Variants in VPS8 observed in about 807,000 individuals in gnomAD.
The protein encoded by VPS8 is VPS8 subunit of CORVET complex.
A neutral mutation model predicts 216.4 loss-of-function variants in VPS8; 129 were observed. That is an observed-to-expected ratio of 0.60 (90% CI 0.52 to 0.69). VPS8 has a LOEUF of 0.69. Ranked by LOEUF, VPS8 falls within the 30% of genes least tolerant of loss-of-function variation. The pLI, the probability that VPS8 is intolerant of heterozygous loss-of-function variation, is 0.00. For synonymous variants in VPS8, 571 were observed against 565.4 expected (o/e 1.01, Z -0.14); for missense variants, 1,531 against 1,683.5 (o/e 0.91, Z 1.59).
intron 43 of VPS8, among the ~76,000 whole-genome samples, chr3:184,994,415 C>G (rs1413554006): frequency 6.6e-6 from 1 of 151,550 alleles, no homozygotes. Flanking sequence ...CAATTGAGCC[C>G]AGGAGTTGGA....
rs62286936 is a variant in VPS8, at chr3:184,838,695, T to C, written c.448-19T>C. 86,324 of 1,528,552 alleles carry C rather than the reference T, an allele frequency of 0.056. 2,770 individuals carry two copies. The highest frequency in any genetic ancestry group is 0.065 in the Non-Finnish European group (73,501 of 1,136,412). The allele number at this position is 1,528,552 out of a possible 1,614,324, so 94.7% of individuals were successfully genotyped here. A position where few individuals can be genotyped will look rare whatever the true frequency, so the allele number is the denominator to read the frequency against. On this transcript the variant is annotated intron_variant, in intron 5 of 47. Transcript: ENST00000625842. ...AAATGAGAATATTTTTCAAATACTT[T>C]CTTTAAAATTTCATTTAGGACAAAG...
At chr3:184,971,609 A>G (rs1380295532) in intron 39 of VPS8, 40 bp from the exon 40 acceptor site, 1 of 1,520,930 alleles carries the variant, frequency 6.6e-7, no homozygotes. Context: ...ATTATCAGCA[A>G]CATATCCTTA....
At chr3:185,014,879 C>T (rs1351365810) in intron 45 of VPS8, among the ~76,000 whole-genome samples, 1 of 152,148 alleles carries the variant, frequency 6.6e-6, no homozygotes, top group Non-Finnish European at 1.5e-5. Flanking sequence ...CTGGAATGCC[C>T]ATCACCGCAA....
chr3:184,838,597 G>T (rs930003748), intron 5 of VPS8, 117 bp from the exon 6 acceptor site: 4 of 803,648 alleles, frequency 5.0e-6, no homozygotes, highest in East Asian at 5.9e-5. Flanking sequence ...AAAAATAAAG[G>T]TTCTACCTCT....
intron 37 of VPS8, among the ~76,000 whole-genome samples, chr3:184,959,573 A>G (rs1394741657): frequency 6.6e-6 from 1 of 152,194 alleles, no homozygotes; most frequent in Non-Finnish European, 1.5e-5. Context: ...AACTCTGGAA[A>G]GCAACGTATA....
chr3:184,945,190 T>G (rs1002235798), intron 36 of VPS8, among the ~76,000 whole-genome samples: 1 of 151,928 alleles, frequency 6.6e-6, no homozygotes, highest in African/African-American at 2.4e-5. Flanking sequence ...TATATGTTTA[T>G]TACATATATA....
chr3:184,950,910 T>C, intron 36 of VPS8, among the ~76,000 whole-genome samples: 1 of 152,232 alleles, frequency 6.6e-6, no homozygotes, highest in East Asian at 1.9e-4. Context: ...TTCCTTTTTA[T>C]GGCTGCATAG....
chr3:185,050,964 G>A (rs1714102150), intron 47 of VPS8, among the ~76,000 whole-genome samples: 1 of 152,182 alleles, frequency 6.6e-6, no homozygotes, highest in Non-Finnish European at 1.5e-5. Flanking sequence ...CATTAGCTCT[G>A]TGGGGTGGAA....
chr3:184,926,376 C>CAATAAATAAATAAATAAATAAATA (rs150917702), intron 30 of VPS8, among the ~76,000 whole-genome samples: 68 of 149,476 alleles, frequency 4.5e-4, no homozygotes, highest in African/African-American at 1.7e-3. Flanking sequence ...GACTCTGTCT[C>CAATAAATAAATAAATAAATAAATA]AATAAATAAA....
intron 24 of VPS8, among the ~76,000 whole-genome samples, chr3:184,899,821 C>T (rs1375562046): frequency 6.6e-6 from 1 of 152,166 alleles, no homozygotes; most frequent in African/African-American, 2.4e-5. Context: ...TACTGTATTT[C>T]TGTTAACGTT....
intron 43 of VPS8, among the ~76,000 whole-genome samples, chr3:184,994,588 C>T (rs888306029): frequency 2.0e-5 from 3 of 151,858 alleles, no homozygotes; most frequent in African/African-American, 4.8e-5. Context: ...TATTTTAATT[C>T]ATTGGCAATG....
chr3:184,982,325 T>C (rs923202520), intron 40 of VPS8: 10 of 479,548 alleles, frequency 2.1e-5, no homozygotes, highest in Admixed American at 8.0e-5. Context: ...GTGGCCTCCT[T>C]ACGTTTCCCA....
intron 39 of VPS8, among the ~76,000 whole-genome samples, chr3:184,971,198 G>A (rs908864999): frequency 2.0e-5 from 3 of 152,194 alleles, no homozygotes; most frequent in African/African-American, 7.2e-5. Flanking sequence ...GTGTTTGAAA[G>A]TTATGAACAA....
chr3:184,825,959 A>G (rs941221418), intron 2 of VPS8, among the ~76,000 whole-genome samples: 1 of 151,908 alleles, frequency 6.6e-6, no homozygotes, highest in Admixed American at 6.6e-5. Context: ...TAGTGCATAT[A>G]TGTCCTTGAT....
At chr3:184,986,387 T>TGA (rs1751074211) in intron 42 of VPS8, among the ~76,000 whole-genome samples, 1 of 152,170 alleles carries the variant, frequency 6.6e-6, no homozygotes, top group African/African-American at 2.4e-5. Context: ...TTATAATTCA[T>TGA]GATAAGGAGT....
chr3:184,894,508 GTATATATATA>G (rs756172890), intron 22 of VPS8, among the ~76,000 whole-genome samples, 185 bp from the exon 23 acceptor site: 2 of 133,128 alleles, frequency 1.5e-5, no homozygotes, highest in Non-Finnish European at 3.2e-5. Context: ...ATATACACAC[GTATATATATA>G]TATATATATA....
Position 184,981,498 on chromosome 3 carries a change from A to G in VPS8, c.3421-1068A>G, listed in dbSNP as rs191048446. On this transcript the variant is annotated intron_variant, in intron 40 of 47. Coordinates refer to ENST00000625842, the MANE Select transcript of VPS8 (RefSeq NM_001009921.3). Reference sequence around the variant, plus strand: ...GCCCAGGCTGCAGTGCAATGGCGTGATCTCGGCTCACTGCAACCTCCGCCT... The same window carrying G: ...GCCCAGGCTGCAGTGCAATGGCGTGGTCTCGGCTCACTGCAACCTCCGCCT... Among the ~76,000 whole-genome samples the G allele has an allele frequency of 5.4e-3, 724 of 134,762 alleles. 5 individuals are homozygous for G. Among genetic ancestry groups the G allele is most frequent in the Non-Finnish European group, 8.1e-3 (535 of 65,918 alleles). The allele number at this position is 134,762 out of a possible 152,430, so 88.4% of individuals were successfully genotyped here.
intron 47 of VPS8, among the ~76,000 whole-genome samples, chr3:185,050,433 T>A (rs1354975447): frequency 6.6e-6 from 1 of 152,184 alleles, no homozygotes; most frequent in Admixed American, 6.5e-5. Context: ...GGCCTTCAGA[T>A]GTCTTCCCAG....
At chr3:184,820,817 C>T (rs964515776) in intron 1 of VPS8, among the ~76,000 whole-genome samples, 1 of 152,110 alleles carries the variant, frequency 6.6e-6, no homozygotes, top group African/African-American at 2.4e-5. Context: ...TAAAAAAAAC[C>T]TAAAACATGA....
Sources: gnomAD v4.1 joint callset for allele counts (sites outside exome capture counted in the v4.1 genomes callset) on GRCh38, gnomAD v4.1.1 for gene constraint, MANE v1.5 for transcripts, NCBI Gene and HGNC (gene_info 2026-07-23, HGNC 2026-07-21) for gene names.